Variants in ADAM7 observed in about 807,000 individuals in gnomAD.
ADAM7 encodes disintegrin and metalloproteinase domain-containing protein 7.
In ADAM7, 97 loss-of-function variants were observed where a neutral mutation model predicts 102.9. The ratio of observed to expected loss-of-function variants is 0.94; its 90% CI spans 0.80 to 1.12. The LOEUF is 1.12. ADAM7 is among the 50% of genes most tolerant of loss of function. The pLI is 0.00. For synonymous variants in ADAM7, 334 were observed against 304.4 expected (o/e 1.10, Z -1.01); for missense variants, 991 against 908.7 (o/e 1.09, Z -1.16).
chr8:24,447,116 A>G, intron 2 of ADAM7, 70 bp from the exon 3 acceptor site: 1 of 782,964 alleles, frequency 1.3e-6, no homozygotes, highest in South Asian at 2.9e-5. Context: ...CATTCACCCA[A>G]AGCACTACTT....
At chr8:24,478,119 A>C (rs1389558392) in intron 8 of ADAM7, among the ~76,000 whole-genome samples, 1 of 152,182 alleles carries the variant, frequency 6.6e-6, no homozygotes, top group Non-Finnish European at 1.5e-5. Flanking sequence ...GTCTGGGTAC[A>C]ACATAACTGG....
chr8:24,448,249 C>G lies in ADAM7; in HGVS notation c.233+987C>G, dbSNP rs1818640621. Among the ~76,000 whole-genome samples the G allele has an allele frequency of 3.3e-5, 5 of 152,238 alleles. No individual in the cohort carries two copies. The South Asian group carries it at 1.0e-3, about 32-fold the overall frequency. On this transcript the variant is annotated intron_variant, in intron 3 of 21. Coordinates refer to ENST00000175238, the MANE Select transcript of ADAM7 (RefSeq NM_003817.4). The stretch of plus-strand genomic sequence containing the variant: ...TGAAAAGATAACTTGTCCAGGGTCA[C>G]AATACTCATAAGCACATGATGATGC...
At chr8:24,478,072 T>C (rs1271957246) in intron 8 of ADAM7, among the ~76,000 whole-genome samples, 1 of 152,158 alleles carries the variant, frequency 6.6e-6, no homozygotes, top group East Asian at 1.9e-4. Context: ...CTTAGAACAA[T>C]ACTCATTAAC....
At chr8:24,478,889 C>T (rs544871337) in intron 8 of ADAM7, among the ~76,000 whole-genome samples, 2 of 152,192 alleles carry the variant, frequency 1.3e-5, no homozygotes, top group Admixed American at 1.3e-4. Context: ...TCCTCTTTTG[C>T]TAGGTCATTA....
intron 7 of ADAM7, among the ~76,000 whole-genome samples, chr8:24,475,739 G>C (rs1040692347): frequency 1.3e-5 from 2 of 152,102 alleles, no homozygotes; most frequent in Admixed American, 6.6e-5. Context: ...TATTATGAAA[G>C]AAGTTTGACC....
At chr8:24,504,165 C>G (rs61486798) in intron 20 of ADAM7, among the ~76,000 whole-genome samples, 5,815 of 152,018 alleles carry the variant, frequency 0.038, 384 homozygotes, top group African/African-American at 0.13. Flanking sequence ...GCCAGGAGTT[C>G]TAGACCAGGC....
At chr8:24,499,830 CACACA>C (rs1466213513) in intron 17 of ADAM7, among the ~76,000 whole-genome samples, 3 of 144,684 alleles carry the variant, frequency 2.1e-5, no homozygotes, top group African/African-American at 7.9e-5. Context: ...ACACACACAT[CACACA>C]TCACACACAC....
At chr8:24,499,808 ACACACACACACACACACACATCACACAT>A (rs1165303967) in intron 17 of ADAM7, among the ~76,000 whole-genome samples, 28 of 139,158 alleles carry the variant, frequency 2.0e-4, no homozygotes, top group Non-Finnish European at 3.6e-4. Context: ...ACACACACAC[ACACACACACACACACACACATCACACAT>A]CACACACACA....
rs867394539 is a variant in ADAM7 at position 24,493,079 on chromosome 8, G to A, written c.1692G>A (p.Gly564=). ...GTGGAAAGATCTACTGCACTGGAGG[G>A]GAGCTTTCCTCTCTCCTTGGAGAAG... ...VRCGKIYCTG[G]ELSSLLGEDK... The change falls in exon 16 of 22, where the codon GGG becomes GGA. Residue 564 remains glycine (G), a synonymous_variant. Transcript: ENST00000175238. The A allele has an allele frequency of 1.2e-6, 2 of 1,608,504 alleles. No individual in the cohort carries two copies. The highest frequency in any genetic ancestry group is 3.4e-5 in the Admixed American group (2 of 59,096).
At chr8:24,501,001 C>T (rs577743642) in intron 19 of ADAM7, 106 bp downstream of exon 19, 1 of 916,860 alleles carries the variant, frequency 1.1e-6, no homozygotes, top group South Asian at 1.7e-5. Context: ...AAGCTTCTTA[C>T]TGAAGATCAG....
Position 24,508,670 on chromosome 8 carries a change from A to G in ADAM7, c.*124A>G. 3 of 1,554,410 alleles carry G rather than the reference A, an allele frequency of 1.9e-6. No homozygotes were observed. The highest frequency in any genetic ancestry group is 2.6e-6 in the Non-Finnish European group (3 of 1,146,304). On this transcript the variant is annotated 3_prime_UTR_variant, in exon 22 of 22. Coordinates refer to ENST00000175238, the MANE Select transcript of ADAM7 (RefSeq NM_003817.4). ...TTTGGTAGTGTTTCAAACGTTCTTTATCCAGACAGACAATGTTTAAGAGAA... is the reference window on the plus strand; with the variant it reads ...TTTGGTAGTGTTTCAAACGTTCTTTGTCCAGACAGACAATGTTTAAGAGAA...
chr8:24,450,403 T>C lies in ADAM7; in HGVS notation c.233+3141T>C, dbSNP rs552349717. Among the ~76,000 whole-genome samples, 6 of 152,314 alleles carry C rather than the reference T, an allele frequency of 3.9e-5. No individual in the cohort carries two copies. The South Asian group carries it at 1.2e-3, about 32-fold the overall frequency. On this transcript the variant is annotated intron_variant, in intron 3 of 21. Coordinates refer to ENST00000175238, the MANE Select transcript of ADAM7 (RefSeq NM_003817.4). ...TTGGATTCCTAGGTATTTTATTCTC[T>C]TTGAAGCATTTGTGAATGGGAGTTC... is the stretch of plus-strand genomic sequence containing the variant.
intron 6 of ADAM7, among the ~76,000 whole-genome samples, chr8:24,467,807 G>A (rs886137972): frequency 3.3e-5 from 5 of 152,116 alleles, no homozygotes; most frequent in Admixed American, 3.3e-4. Context: ...GCTCATGCCT[G>A]TAATCCCAAC....
chr8:24,467,219 A>T, intron 6 of ADAM7: 4 of 569,962 alleles, frequency 7.0e-6, no homozygotes, highest in Non-Finnish European at 1.2e-5. Context: ...TTCTATGTAT[A>T]GATTGATAAC....
chr8:24,465,006 C>G (rs903097521), intron 4 of ADAM7, among the ~76,000 whole-genome samples: 2 of 152,154 alleles, frequency 1.3e-5, no homozygotes, highest in African/African-American at 4.8e-5. Flanking sequence ...AGGATGGTCT[C>G]GATCTCTTGA....
At chr8:24,484,842 G>T (rs1365155770) in intron 9 of ADAM7, among the ~76,000 whole-genome samples, 2 of 122,362 alleles carry the variant, frequency 1.6e-5, no homozygotes, top group Non-Finnish European at 3.2e-5. Context: ...GTGGAGCCTC[G>T]CTCTGTGTCC....
At chr8:24,494,896 A>C (rs993562550) in intron 16 of ADAM7, among the ~76,000 whole-genome samples, 1 of 152,192 alleles carries the variant, frequency 6.6e-6, no homozygotes, top group Non-Finnish European at 1.5e-5. Flanking sequence ...GCAGGGAAAA[A>C]TTCTATGGTC....
In ADAM7 at chr8:24,487,279, C is replaced by A. The variant is rs143477367; in HGVS notation, c.1053C>A (p.Thr351=). ...LGMQHDEFPC[T]CPSGKCVMDS... is the part of the protein sequence containing the mutation. ...TGCAGCATGACGAGTTCCCATGCACCTGTCCTTCAGGAAAATGCGTGATGG... is the reference window on the plus strand; with the variant it reads ...TGCAGCATGACGAGTTCCCATGCACATGTCCTTCAGGAAAATGCGTGATGG... The change falls in exon 11 of 22, where the codon ACC becomes ACA. Residue 351 remains threonine (T), a synonymous_variant. Coordinates refer to ENST00000175238, the MANE Select transcript of ADAM7 (RefSeq NM_003817.4). 1.2e-6 allele frequency: 2 copies of A among 1,613,694 alleles called. No homozygotes were observed. The highest frequency in any genetic ancestry group is 4.5e-5 in the East Asian group (2 of 44,824).
At chr8:24,471,153 A>G (rs931858097) in intron 7 of ADAM7, among the ~76,000 whole-genome samples, 1 of 152,138 alleles carries the variant, frequency 6.6e-6, no homozygotes, top group Non-Finnish European at 1.5e-5. Context: ...ATAAAGAAAA[A>G]ATATTTTTGT....
Sources: allele counts gnomAD v4.1 joint callset (sites outside exome capture counted in the v4.1 genomes callset), GRCh38; gene constraint gnomAD v4.1.1; transcripts MANE v1.5; gene names NCBI Gene and HGNC (gene_info 2026-07-23, HGNC 2026-07-21).